The following CFAP77 variants were observed in gnomAD, a reference collection of about 807,000 sequenced individuals.
The protein encoded by CFAP77 is cilia- and flagella-associated protein 77.
Under a neutral mutation model 31.1 loss-of-function variants are expected in CFAP77, and 25 were observed. The ratio of observed to expected loss-of-function variants is 0.80; its 90% CI spans 0.59 to 1.12. The LOEUF is 1.12. Among genes scored for constraint, CFAP77 ranks in the 50% most tolerant of loss-of-function variants. CFAP77 has a pLI of 0.00. For missense variants in CFAP77, 377 were observed against 397.3 expected (o/e 0.95, Z 0.44); for synonymous variants, 151 against 159.9 (o/e 0.94, Z 0.42).
chr9:132,514,261 T>A (rs923373338), intron 3 of CFAP77, among the ~76,000 whole-genome samples: 1 of 151,928 alleles, frequency 6.6e-6, no homozygotes, highest in East Asian at 1.9e-4. Flanking sequence ...GAGACGCCCC[T>A]CCCCTGTGTC....
At chr9:132,443,595 G>A (rs1225231220) in intron 1 of CFAP77, among the ~76,000 whole-genome samples, 1 of 152,124 alleles carries the variant, frequency 6.6e-6, no homozygotes, top group Admixed American at 6.6e-5. Context: ...TTTATCTTAG[G>A]TAAAATGGAC....
chr9:132,526,723 C>A (rs1473136505), intron 3 of CFAP77, among the ~76,000 whole-genome samples: 1 of 116,902 alleles, frequency 8.6e-6, no homozygotes, highest in African/African-American at 3.2e-5. Flanking sequence ...ATACTACAAA[C>A]ACCTCTACGC....
chr9:132,433,753 G>A (rs925654819), intron 1 of CFAP77, among the ~76,000 whole-genome samples: 7 of 151,848 alleles, frequency 4.6e-5, no homozygotes, highest in Admixed American at 1.3e-4. Flanking sequence ...TCACCATGTC[G>A]GCCAGGCTGG....
Position 132,497,920 on chromosome 9 carries a change from C to T in CFAP77, c.196-775C>T, listed in dbSNP as rs933098200. Among the ~76,000 whole-genome samples the T allele has an allele frequency of 4.6e-5, 7 of 152,264 alleles. No homozygotes were observed. Among genetic ancestry groups the T allele is most frequent in the Admixed American group, 4.6e-4 (7 of 15,300 alleles). On this transcript the variant is annotated intron_variant, in intron 1 of 5. Transcript: ENST00000393216. This position sits in a 1 kb window ranked among gnomAD's most constrained non-coding sequence, Gnocchi z 4.9. ...GACCGCGTGGCAGGATGATCAAGAGCGCCAGTCAAGAGGACAGGCACGCCT... is the reference window on the plus strand; with the variant it reads ...GACCGCGTGGCAGGATGATCAAGAGTGCCAGTCAAGAGGACAGGCACGCCT...
intron 1 of CFAP77, among the ~76,000 whole-genome samples, chr9:132,474,091 G>C (rs1203455937): frequency 6.6e-6 from 1 of 152,202 alleles, no homozygotes; most frequent in Non-Finnish European, 1.5e-5. Context: ...TGCCCTGCAT[G>C]TGTCAAAAAC....
chr9:132,509,054 G>T (rs369043934), intron 3 of CFAP77, among the ~76,000 whole-genome samples: 2 of 152,336 alleles, frequency 1.3e-5, no homozygotes, highest in African/African-American at 4.8e-5. Context: ...GCGAGATGGC[G>T]GCTACGAACA....
In CFAP77 at chr9:132,573,274, T is replaced by C. The variant is rs1303401863; in HGVS notation, c.*764T>C. The C allele has an allele frequency of 1.3e-5, 2 of 152,216 alleles. No homozygotes were observed. Among genetic ancestry groups the C allele is most frequent in the Non-Finnish European group, 2.9e-5 (2 of 68,048 alleles). 9.4% of individuals were successfully genotyped at this position (152,216 alleles called of 1,614,324 possible). ...GTGTTCTTTGGATTCTCTCTGAAAA[T>C]TTTATGCTGATCTATTTTAAATTAA... On this transcript the variant is annotated 3_prime_UTR_variant, in exon 6 of 6. Coordinates refer to ENST00000393216, the MANE Select transcript of CFAP77 (RefSeq NM_001282957.2).
At chr9:132,419,655 G>A (rs568636321) in intron 1 of CFAP77, among the ~76,000 whole-genome samples, 22 of 152,206 alleles carry the variant, frequency 1.4e-4, no homozygotes, top group African/African-American at 4.8e-4. Context: ...CTGCTTCCCA[G>A]GAGATCTTTA....
chr9:132,519,031 G>A (rs1468800900), intron 3 of CFAP77, among the ~76,000 whole-genome samples: 2 of 152,154 alleles, frequency 1.3e-5, no homozygotes, highest in Non-Finnish European at 2.9e-5. Context: ...CAAGGATTGA[G>A]GAGGCAGGCA....
intron 3 of CFAP77, among the ~76,000 whole-genome samples, chr9:132,515,860 C>T (rs918920862): frequency 4.9e-5 from 7 of 141,984 alleles, no homozygotes. Context: ...ATTAACACTC[C>T]TTCCACTACA....
chr9:132,488,561 G>T (rs1395776340), intron 1 of CFAP77, among the ~76,000 whole-genome samples: 2 of 152,222 alleles, frequency 1.3e-5, no homozygotes, highest in African/African-American at 4.8e-5. Context: ...TGAAGAAGTT[G>T]TGCCATGTAA....
intron 1 of CFAP77, among the ~76,000 whole-genome samples, chr9:132,478,506 A>G (rs1017657883): frequency 2.6e-5 from 4 of 152,162 alleles, no homozygotes; most frequent in African/African-American, 9.7e-5. Context: ...CTTGGCTTTT[A>G]TTACTTTGGG....
intron 1 of CFAP77, among the ~76,000 whole-genome samples, chr9:132,458,342 C>CGTGGGG (rs145223432): frequency 8.2e-4 from 58 of 70,930 alleles, no homozygotes; most frequent in Middle Eastern, 7.4e-3. Context: ...GTCTCCCTGG[C>CGTGGGG]GGGGGAGGGG....
chr9:132,472,094 G>A (rs971157815), intron 1 of CFAP77, among the ~76,000 whole-genome samples: 2 of 150,380 alleles, frequency 1.3e-5, no homozygotes, highest in South Asian at 2.2e-4. Flanking sequence ...TCCCCCCGCC[G>A]CCCCCATGAT....
At chr9:132,500,149 C>G (rs1208376046) in intron 3 of CFAP77, among the ~76,000 whole-genome samples, 2 of 140,028 alleles carry the variant, frequency 1.4e-5, no homozygotes, top group African/African-American at 5.7e-5. Context: ...GAGACCCTGT[C>G]TCCAAAAAAA....
chr9:132,506,451 G>A (rs1851931903), intron 3 of CFAP77, among the ~76,000 whole-genome samples: 1 of 152,104 alleles, frequency 6.6e-6, no homozygotes, highest in Non-Finnish European at 1.5e-5. Flanking sequence ...GGGATGGCGG[G>A]GAGGGGAGGA....
intron 1 of CFAP77, among the ~76,000 whole-genome samples, chr9:132,456,603 C>G (rs568312228): frequency 1.3e-5 from 2 of 152,228 alleles, no homozygotes; most frequent in African/African-American, 4.8e-5. Context: ...ATTTCCATAG[C>G]CTGGCCCCAC....
intron 1 of CFAP77, among the ~76,000 whole-genome samples, chr9:132,460,809 T>G (rs1851034931): frequency 6.6e-6 from 1 of 152,198 alleles, no homozygotes; most frequent in African/African-American, 2.4e-5. Context: ...CACTGCAACC[T>G]CCGCCTCCTG....
In CFAP77 at chr9:132,499,304, C is replaced by A; in HGVS notation, c.296-68C>A. The A allele has an allele frequency of 6.9e-7, 1 of 1,442,378 alleles. No individual in the cohort carries two copies. 89.3% of individuals were successfully genotyped at this position (1,442,378 alleles called of 1,614,324 possible). A position where few individuals can be genotyped will look rare whatever the true frequency, so the allele number is the denominator to read the frequency against. On this transcript the variant is annotated intron_variant, in intron 2 of 5. Coordinates refer to ENST00000393216, the MANE Select transcript of CFAP77 (RefSeq NM_001282957.2). This position sits in a 1 kb window ranked among gnomAD's most constrained non-coding sequence, Gnocchi z 5.4. ...GGACCCGCGTGCCCCCATTTCTTCT[C>A]GATCAGCTGCCTCAGGGTGCTTACT...
Sources: gnomAD v4.1 joint callset for allele counts (sites outside exome capture counted in the v4.1 genomes callset) on GRCh38, gnomAD v4.1.1 for gene constraint, Gnocchi (gnomAD v3.1) non-coding constraint, MANE v1.5 for transcripts, NCBI Gene and HGNC (gene_info 2026-07-23, HGNC 2026-07-21) for gene names.